MAP3K8: variants seen among roughly 807,000 people sequenced by gnomAD.
MAP3K8 encodes the protein mitogen-activated protein kinase kinase kinase 8.
MAP3K8 carries 22 observed loss-of-function variants against 45.8 expected under a neutral mutation model. The ratio of observed to expected loss-of-function variants is 0.48; its 90% CI spans 0.34 to 0.69. MAP3K8 has a LOEUF of 0.69. MAP3K8 is among the 30% of genes least tolerant of loss of function. The pLI is 0.01. For missense variants in MAP3K8, 419 were observed against 585.0 expected, an observed-to-expected ratio of 0.72 and a Z score of 2.93; for synonymous variants, 223 against 214.3, an observed-to-expected ratio of 1.04 and a Z score of -0.36.
chr10:30,445,448 G>A (rs1836288141), intron 3 of MAP3K8, among the ~76,000 whole-genome samples: 1 of 152,110 alleles, frequency 6.6e-6, no homozygotes. Flanking sequence ...CCTAAACTGG[G>A]TTATAACAAA....
chr10:30,440,095 A>T (rs1836049531), intron 3 of MAP3K8, among the ~76,000 whole-genome samples: 1 of 152,370 alleles, frequency 6.6e-6, no homozygotes, highest in East Asian at 1.9e-4. Context: ...ATATTTGCTT[A>T]ATCATCGCAA....
chr10:30,434,902 A>G (rs306589), intron 1 of MAP3K8, among the ~76,000 whole-genome samples: 69,994 of 152,212 alleles, frequency 0.46, 18,774 homozygotes, highest in Non-Finnish European at 0.61. Flanking sequence ...GAATGGCTGG[A>G]ACTAAATTCA....
chr10:30,460,820 C>T lies in MAP3K8; in HGVS notation c.1388C>T (p.Thr463Met), dbSNP rs766981801. 26 of 1,613,598 alleles carry T rather than the reference C, an allele frequency of 1.6e-5. No homozygotes were observed. The highest frequency in any genetic ancestry group is 1.3e-4 in the African/African-American group (10 of 74,916). The change falls in exon 9 of 9, where the codon ACG becomes ATG. Residue 463 changes from threonine (T) to methionine (M), a missense_variant. Coordinates refer to ENST00000263056, the MANE Select transcript of MAP3K8 (RefSeq NM_005204.4). Reference sequence around the variant, plus strand: ...TTCAATCTTGTTCGGGGACCACCAACGCTTGAATATGGCTGAAGGATGCCA... The same window carrying T: ...TTCAATCTTGTTCGGGGACCACCAATGCTTGAATATGGCTGAAGGATGCCA... ...GYFNLVRGPP[T>M]LEYG
chr10:30,458,276 G>GTT (rs748869644), intron 7 of MAP3K8, 40 bp downstream of exon 7: 2 of 1,358,684 alleles, frequency 1.5e-6, no homozygotes, highest in Non-Finnish European at 2.0e-6. Context: ...GGCGGGGGGG[G>GTT]GCGTTGAGTT....
chr10:30,452,967 C>T (rs970232095), intron 6 of MAP3K8, among the ~76,000 whole-genome samples: 3 of 152,058 alleles, frequency 2.0e-5, no homozygotes, highest in Admixed American at 6.6e-5. Flanking sequence ...GTTTGAGCCC[C>T]CGTGTCTGGC....
At chr10:30,443,460 A>T (rs1463240576) in intron 3 of MAP3K8, among the ~76,000 whole-genome samples, 4 of 152,154 alleles carry the variant, frequency 2.6e-5, no homozygotes, top group Non-Finnish European at 5.9e-5. Context: ...TTTCACATGC[A>T]TTTCCAACTG....
At chr10:30,458,356 G>T in intron 7 of MAP3K8, 120 bp downstream of exon 7, 1 of 569,928 alleles carries the variant, frequency 1.8e-6, no homozygotes. Context: ...AGGCAATGGT[G>T]AAATGACAGG....
At chr10:30,443,294 A>G (rs1836178989) in intron 3 of MAP3K8, among the ~76,000 whole-genome samples, 1 of 152,234 alleles carries the variant, frequency 6.6e-6, no homozygotes, top group African/African-American at 2.4e-5. Flanking sequence ...TATTTGGAGC[A>G]ATTAATGAAT....
At chr10:30,449,011 T>A (rs1159926803) in intron 4 of MAP3K8, among the ~76,000 whole-genome samples, 2 of 152,192 alleles carry the variant, frequency 1.3e-5, no homozygotes, top group Non-Finnish European at 2.9e-5. Flanking sequence ...AAAGAATAAA[T>A]GATTTACAAC....
intron 3 of MAP3K8, among the ~76,000 whole-genome samples, chr10:30,446,431 A>C (rs1836341656): frequency 6.6e-6 from 1 of 151,738 alleles, no homozygotes; most frequent in South Asian, 2.1e-4. Context: ...GCTACTCAGG[A>C]GGCTGAGATG....
intron 6 of MAP3K8, among the ~76,000 whole-genome samples, chr10:30,453,766 A>C (rs1215282109): frequency 6.6e-6 from 1 of 151,904 alleles, no homozygotes; most frequent in Non-Finnish European, 1.5e-5. Context: ...GTGTTCTCAC[A>C]CCTGTAATCC....
rs1181487998 is a variant in MAP3K8 at position 30,460,872 on chromosome 10, G to C, written c.*36G>C. On this transcript the variant is annotated 3_prime_UTR_variant, in exon 9 of 9. Coordinates refer to ENST00000263056, the MANE Select transcript of MAP3K8 (RefSeq NM_005204.4). ...GTTTGCTCTAAATTAAGACAGCATT[G>C]ATCTCCTGGAGGCTGGTTCTGCTGC... 6.2e-7 allele frequency: 1 copy of C among 1,609,790 alleles called. No homozygotes were observed. The highest frequency in any genetic ancestry group is 8.5e-7 in the Non-Finnish European group (1 of 1,179,326).
At chr10:30,440,967 A>C (rs1836084128) in intron 3 of MAP3K8, among the ~76,000 whole-genome samples, 2 of 152,196 alleles carry the variant, frequency 1.3e-5, no homozygotes, top group South Asian at 4.1e-4. Context: ...GGAAATTTAG[A>C]AGAAATACAA....
chr10:30,457,328 G>T (rs986796117), intron 6 of MAP3K8, among the ~76,000 whole-genome samples: 9 of 152,128 alleles, frequency 5.9e-5, no homozygotes, highest in African/African-American at 1.9e-4. Context: ...TTGTAAAAAT[G>T]ACTCTTTAGA....
chr10:30,435,916 T>C (rs1161340222), intron 1 of MAP3K8, among the ~76,000 whole-genome samples: 1 of 152,276 alleles, frequency 6.6e-6, no homozygotes, highest in African/African-American at 2.4e-5. Context: ...TATGCTGTTA[T>C]GCTGGCCATT....
intron 7 of MAP3K8, among the ~76,000 whole-genome samples, chr10:30,458,739 G>GT (rs1836833007): frequency 6.6e-6 from 1 of 152,124 alleles, no homozygotes; most frequent in Non-Finnish European, 1.5e-5. Context: ...CTTATCTTTT[G>GT]TAACATTAAA....
Position 30,451,733 on chromosome 10 carries a change from C to G in MAP3K8, c.862C>G (p.Arg288Gly), listed in dbSNP as rs781104573. 2 of 1,556,288 alleles carry G rather than the reference C, an allele frequency of 1.3e-6. No homozygotes were observed. The highest frequency in any genetic ancestry group is 1.8e-6 in the Non-Finnish European group (2 of 1,139,164). ...AGATGTCTATTTTCCTAAGGACCTC[C>G]GAGGAACAGAGGTAATTATGTTCAC... ...TEDVYFPKDL[R>G]GTEIYMSPEV... The change falls in exon 6 of 9, where the codon CGA becomes GGA. Residue 288 changes from arginine to glycine, a missense_variant. By Grantham distance (125) the Arg-to-Gly change is moderately radical. Around this residue, in one of 3 missense-constraint regions of MAP3K8, gnomAD observed 209 missense variants for 367.3 expected, o/e 0.57. Coordinates refer to ENST00000263056, the MANE Select transcript of MAP3K8 (RefSeq NM_005204.4).
intron 3 of MAP3K8, among the ~76,000 whole-genome samples, chr10:30,442,818 C>A (rs951621232): frequency 4.6e-5 from 7 of 152,106 alleles, no homozygotes; most frequent in Non-Finnish European, 1.0e-4. Flanking sequence ...GAAGATGTTC[C>A]TTAGGGCTTA....
chr10:30,439,758 G>A (rs1470890582), intron 3 of MAP3K8, among the ~76,000 whole-genome samples: 2 of 151,740 alleles, frequency 1.3e-5, no homozygotes, highest in Non-Finnish European at 2.9e-5. Context: ...GTGATGAGCC[G>A]AGATCACACC....
Sources: gnomAD v4.1 joint callset for allele counts (sites outside exome capture counted in the v4.1 genomes callset) on GRCh38, gnomAD v4.1.1 for gene constraint, gnomAD v4.1.1 regional missense constraint, MANE v1.5 for transcripts, NCBI Gene and HGNC (gene_info 2026-07-23, HGNC 2026-07-21) for gene names.